TASP1: variants seen among roughly 807,000 people sequenced by gnomAD.
TASP1 encodes the protein threonine aspartase 1.
TASP1 carries 16 observed loss-of-function variants against 56.6 expected under a neutral mutation model. The ratio of observed to expected loss-of-function variants is 0.28; its 90% CI spans 0.19 to 0.43. The LOEUF is 0.43. Ranked by LOEUF, TASP1 falls within the 20% of genes least tolerant of loss-of-function variation. TASP1 has a pLI of 1.00. For synonymous variants in TASP1, 179 were observed against 184.2 expected, an observed-to-expected ratio of 0.97 and a Z score of 0.23; for missense variants, 393 against 511.6, an observed-to-expected ratio of 0.77 and a Z score of 2.24.
the TASP1 span, chr20:13,299,307 C>T: frequency 6.2e-7 from 1 of 1,613,770 alleles, no homozygotes; most frequent in Non-Finnish European, 8.5e-7. The surrounding 1 kb of genome is among the most constrained non-coding windows in gnomAD (Gnocchi z 5.8). Flanking sequence ...CGCGGAGCTC[C>T]ACTACAAGGT....
At chr20:13,201,902 C>T in the TASP1 span, among the ~76,000 whole-genome samples, 39 of 152,022 alleles carry the variant, frequency 2.6e-4, no homozygotes, top group Non-Finnish European at 1.0e-4. Flanking sequence ...TACAGGCCTG[C>T]GCCACCATGC....
intron 9 of TASP1, among the ~76,000 whole-genome samples, chr20:13,532,453 A>G (rs1601146778): frequency 6.6e-6 from 1 of 152,114 alleles, no homozygotes; most frequent in African/African-American, 2.4e-5. Flanking sequence ...CATCTCCTCT[A>G]TCCAAGCATT....
intron 13 of TASP1, among the ~76,000 whole-genome samples, chr20:13,410,627 C>T (rs1307214560): frequency 6.6e-6 from 1 of 152,070 alleles, no homozygotes; most frequent in East Asian, 1.9e-4. Context: ...TGTATGTCTT[C>T]TTTTGAGAGG....
At chr20:13,468,910 T>TA (rs1363863116) in intron 11 of TASP1, among the ~76,000 whole-genome samples, 3 of 151,822 alleles carry the variant, frequency 2.0e-5, no homozygotes, top group Admixed American at 6.6e-5. Flanking sequence ...TGTATGATTT[T>TA]AATTACATCC....
chr20:13,336,659 A>G, the TASP1 span, among the ~76,000 whole-genome samples: 2 of 152,220 alleles, frequency 1.3e-5, no homozygotes, highest in Admixed American at 1.3e-4. Flanking sequence ...TGTTCTTTGT[A>G]AAAAAGACTT....
intron 4 of TASP1, among the ~76,000 whole-genome samples, chr20:13,601,284 C>CA (rs35228235): frequency 1.3e-3 from 182 of 138,446 alleles, no homozygotes; most frequent in East Asian, 9.9e-3. Flanking sequence ...GCAACTGTCT[C>CA]AAAAAAAAAA....
chr20:13,481,083 AT>A (rs1264886864), intron 11 of TASP1, among the ~76,000 whole-genome samples: 1 of 152,056 alleles, frequency 6.6e-6, no homozygotes, highest in African/African-American at 2.4e-5. Flanking sequence ...CCTGTTAAGC[AT>A]CCCCACCTCC....
At chr20:13,375,232 G>A in the TASP1 span, among the ~76,000 whole-genome samples, 287 of 127,060 alleles carry the variant, frequency 2.3e-3, 4 homozygotes, top group South Asian at 0.016. Context: ...ATCCCTCCCC[G>A]AGCCCCCCAC....
chr20:13,345,941 A>G, the TASP1 span, among the ~76,000 whole-genome samples: 2 of 147,088 alleles, frequency 1.4e-5, no homozygotes, highest in Admixed American at 6.7e-5. Context: ...AAAAAAAAAA[A>G]GAATGAAGAA....
At chr20:13,114,030 T>C in the TASP1 span, among the ~76,000 whole-genome samples, 2 of 152,166 alleles carry the variant, frequency 1.3e-5, no homozygotes, top group African/African-American at 4.8e-5. Flanking sequence ...ATAACCGAGA[T>C]GAGGCAGAGC....
intron 11 of TASP1, among the ~76,000 whole-genome samples, chr20:13,480,608 T>G (rs1474606232): frequency 6.6e-6 from 1 of 152,198 alleles, no homozygotes; most frequent in East Asian, 1.9e-4. Flanking sequence ...AACAGTTTTA[T>G]AGAGTTATAC....
chr20:13,502,445 A>C (rs1328682980), intron 10 of TASP1, among the ~76,000 whole-genome samples: 1 of 152,204 alleles, frequency 6.6e-6, no homozygotes, highest in Non-Finnish European at 1.5e-5. Flanking sequence ...ACTTAGTAAA[A>C]GAAGTAAAAC....
chr20:13,562,287 A>G (rs1601254106), intron 7 of TASP1, among the ~76,000 whole-genome samples: 1 of 152,316 alleles, frequency 6.6e-6, no homozygotes, highest in East Asian at 1.9e-4. Context: ...TTATGGCTAT[A>G]AACACATTAA....
intron 12 of TASP1, among the ~76,000 whole-genome samples, chr20:13,428,556 T>C (rs1223155388): frequency 6.6e-6 from 1 of 152,214 alleles, no homozygotes; most frequent in Non-Finnish European, 1.5e-5. Context: ...TTTTCAGCTG[T>C]TTCATTCCAG....
chr20:13,392,552 G>A (rs1217771341), intron 13 of TASP1: 1 of 262,470 alleles, frequency 3.8e-6, no homozygotes, highest in African/African-American at 2.3e-5. Context: ...AATGCTGAGT[G>A]GGTAAATGAC....
chr20:13,353,984 C>T, the TASP1 span, among the ~76,000 whole-genome samples: 6 of 152,216 alleles, frequency 3.9e-5, no homozygotes, highest in African/African-American at 1.4e-4. Flanking sequence ...CAAAACTTAA[C>T]ATCCTTAGAT....
chr20:13,356,405 GA>G, the TASP1 span, among the ~76,000 whole-genome samples: 1 of 152,152 alleles, frequency 6.6e-6, no homozygotes, highest in Non-Finnish European at 1.5e-5. Context: ...CTGGGTTTTG[GA>G]ATTGAGGAGC....
chr20:13,602,904 T>C (rs1031597825), intron 4 of TASP1, among the ~76,000 whole-genome samples: 6 of 152,128 alleles, frequency 3.9e-5, no homozygotes, highest in Non-Finnish European at 7.4e-5. Flanking sequence ...AATTGTTTTG[T>C]AAATCTTTAA....
intron 10 of TASP1, among the ~76,000 whole-genome samples, chr20:13,499,349 C>T (rs556721719): frequency 1.3e-5 from 2 of 151,956 alleles, no homozygotes; most frequent in Admixed American, 1.3e-4. Flanking sequence ...TGAAAAACTA[C>T]CTATTGGGTA....
Sources: allele counts gnomAD v4.1 joint callset (sites outside exome capture counted in the v4.1 genomes callset), GRCh38; gene constraint gnomAD v4.1.1; non-coding constraint Gnocchi (gnomAD v3.1); transcripts MANE v1.5; gene names NCBI Gene and HGNC (gene_info 2026-07-23, HGNC 2026-07-21).